Variants in MGAT5 observed in about 807,000 individuals in gnomAD.
MGAT5 encodes alpha-1,6-mannosylglycoprotein 6-beta-N-acetylglucosaminyltransferase, also known as alpha-1,6-mannosylglycoprotein 6-beta-N-acetylglucosaminyltransferase A.
MGAT5 carries 30 observed loss-of-function variants against 94.3 expected under a neutral mutation model. The observed-to-expected ratio is 0.32, with a 90% CI of 0.24 to 0.43. The LOEUF (loss-of-function observed/expected upper bound fraction) is 0.43. MGAT5 is among the 20% of genes least tolerant of loss of function. The pLI is 1.00. For missense variants in MGAT5, 691 were observed against 905.5 expected (o/e 0.76, Z 3.04); for synonymous variants, 310 against 322.9 (o/e 0.96, Z 0.43).
At chr2:134,381,386 A>ATAGATAGAT (rs1681567060) in intron 10 of MGAT5, among the ~76,000 whole-genome samples, 1 of 95,336 alleles carries the variant, frequency 1.0e-5, no homozygotes, top group Admixed American at 1.1e-4. Flanking sequence ...GATAGATTAG[A>ATAGATAGAT]TAGATAGATA....
intron 1 of MGAT5, among the ~76,000 whole-genome samples, chr2:134,129,333 TGATTA>T (rs1558946897): frequency 1.3e-5 from 2 of 152,152 alleles, no homozygotes; most frequent in African/African-American, 2.4e-5. Context: ...AGGATTGATG[TGATTA>T]GATTAGACCA....
At chr2:134,404,056 G>T (rs935409406) in intron 11 of MGAT5, among the ~76,000 whole-genome samples, 1 of 152,200 alleles carries the variant, frequency 6.6e-6, no homozygotes, top group Non-Finnish European at 1.5e-5. Flanking sequence ...GCATTTCAGT[G>T]TATTAGATAA....
rs558195104 is a variant in MGAT5 at position 134,137,748 on chromosome 2, T to G, written c.-143+17457T>G. Among the ~76,000 whole-genome samples, 65 of 152,326 alleles carry G rather than the reference T, an allele frequency of 4.3e-4. No homozygotes were observed. The South Asian group carries it at 6.6e-3, about 16-fold the overall frequency. On this transcript the variant is annotated intron_variant, in intron 1 of 16. Transcript: ENST00000409645. ...TGGACTAGAATAGTCTCTATTTTTTTTTTCTGCTTCATTTTTCTATGTTAT... is the reference window on the plus strand; with the variant it reads ...TGGACTAGAATAGTCTCTATTTTTTGTTTCTGCTTCATTTTTCTATGTTAT...
intron 1 of MGAT5, among the ~76,000 whole-genome samples, chr2:134,146,611 A>ATG (rs1166921719): frequency 6.6e-6 from 1 of 152,154 alleles, no homozygotes; most frequent in Non-Finnish European, 1.5e-5. Flanking sequence ...TAGTTATGGA[A>ATG]TGAGAACCTT....
In MGAT5 at chr2:134,453,189, A is replaced by G. The variant is rs1686191405; in HGVS notation, c.*4342A>G. ...AAAATAATACCTACATGAAAACATG[A>G]TTCCAAGTTGATTGAATGTTGTAGG... On this transcript the variant is annotated 3_prime_UTR_variant, in exon 16 of 16. Transcript: ENST00000281923. The G allele has an allele frequency of 1.3e-5, 2 of 152,232 alleles. No homozygotes were observed. Among genetic ancestry groups the G allele is most frequent in the African/African-American group, 2.4e-5 (1 of 41,458 alleles). 9.4% of individuals were successfully genotyped at this position (152,232 alleles called of 1,614,324 possible).
chr2:134,261,906 A>G (rs1312833301), intron 1 of MGAT5, among the ~76,000 whole-genome samples: 1 of 152,232 alleles, frequency 6.6e-6, no homozygotes, highest in Non-Finnish European at 1.5e-5. Context: ...TTAGTGAAGC[A>G]GGAAATGAGA....
chr2:134,140,797 G>C (rs1322662983), intron 1 of MGAT5, among the ~76,000 whole-genome samples: 1 of 152,184 alleles, frequency 6.6e-6, no homozygotes, highest in Non-Finnish European at 1.5e-5. Flanking sequence ...GGGCACTACT[G>C]TTCTGATTAG....
chr2:134,264,747 T>G (rs568522837), intron 1 of MGAT5, among the ~76,000 whole-genome samples: 2 of 152,320 alleles, frequency 1.3e-5, no homozygotes, highest in African/African-American at 2.4e-5. Context: ...TGAGGTTAAT[T>G]CTTTTTTCAA....
Position 134,325,104 on chromosome 2 carries a change from T to A in MGAT5, c.573+6365T>A, listed in dbSNP as rs186996641. ...CCCTTTAGCCCCTCACCCACTAAAG[T>A]TCTTAGCAACACTTCCTGTTTATGA... On this transcript the variant is annotated intron_variant, in intron 4 of 15. Coordinates refer to ENST00000281923, the MANE Select transcript of MGAT5 (RefSeq NM_002410.5). Among the ~76,000 whole-genome samples the A allele has an allele frequency of 1.2e-4, 18 of 152,178 alleles. No individual in the cohort carries two copies. In the East Asian group the frequency reaches 3.5e-3, roughly 29 times the overall value.
chr2:134,316,143 G>A (rs1422706793), intron 2 of MGAT5, among the ~76,000 whole-genome samples: 2 of 152,102 alleles, frequency 1.3e-5, no homozygotes, highest in East Asian at 1.9e-4. Context: ...ATAGGTTTAG[G>A]GTTGTCTTGT....
intron 15 of MGAT5, among the ~76,000 whole-genome samples, chr2:134,445,745 G>A (rs1260564469): frequency 2.0e-5 from 3 of 152,230 alleles, no homozygotes; most frequent in African/African-American, 7.2e-5. Context: ...GGGTCTCTGA[G>A]CAGGAGGATG....
rs373280276 is a variant in MGAT5 at position 134,185,304 on chromosome 2, T to A, written c.-143+65013T>A. On this transcript the variant is annotated intron_variant, in intron 1 of 16. Transcript: ENST00000409645. Reference sequence around the variant, plus strand: ...GAAGGATAAGAACTATGCCTTTCAATCCCCTATCTTTACCCCTCTTGTTTT... The same window carrying A: ...GAAGGATAAGAACTATGCCTTTCAAACCCCTATCTTTACCCCTCTTGTTTT... 3.3e-5 allele frequency among the ~76,000 whole-genome samples: 5 copies of A among 152,326 alleles called. No homozygotes were observed. In the South Asian group the frequency reaches 1.0e-3, roughly 32 times the overall value.
intron 1 of MGAT5, among the ~76,000 whole-genome samples, chr2:134,134,751 T>C (rs1028591116): frequency 6.6e-6 from 1 of 152,198 alleles, no homozygotes; most frequent in Non-Finnish European, 1.5e-5. Flanking sequence ...CATTTATTGG[T>C]TGGGGACCAG....
At chr2:134,178,441 C>T (rs1688583083) in intron 1 of MGAT5, among the ~76,000 whole-genome samples, 1 of 152,072 alleles carries the variant, frequency 6.6e-6, no homozygotes, top group African/African-American at 2.4e-5. Context: ...AGCTGTCTCC[C>T]TAGAGAAGGT....
At chr2:134,399,980 T>TA (rs1358369063) in intron 10 of MGAT5, among the ~76,000 whole-genome samples, 1 of 152,122 alleles carries the variant, frequency 6.6e-6, no homozygotes, top group African/African-American at 2.4e-5. Flanking sequence ...ACACAAAAGA[T>TA]AAGAGTGTCC....
intron 1 of MGAT5, among the ~76,000 whole-genome samples, chr2:134,181,329 C>G (rs904145527): frequency 7.2e-5 from 11 of 152,180 alleles, no homozygotes; most frequent in Admixed American, 2.0e-4. Flanking sequence ...GTTGAGAAAC[C>G]CTGCTCTACA....
In MGAT5 at chr2:134,120,218, G is replaced by T. The variant is rs1685499265; in HGVS notation, c.-216G>T. 1.2e-5 allele frequency: 4 copies of T among 342,766 alleles called. No individual in the cohort carries two copies. The South Asian group carries it at 4.1e-4, about 35-fold the overall frequency. The allele number at this position is 342,766 out of a possible 1,614,324, so 21.2% of individuals were successfully genotyped here. A position where few individuals can be genotyped will look rare whatever the true frequency, so the allele number is the denominator to read the frequency against. ...CCGCGCCGCAGGCTCGGGGCGTCGC[G>T]ACCTCGCGCCTCGGGCCGCGTGGGC... On this transcript the variant is annotated 5_prime_UTR_variant, in exon 1 of 17. Transcript: ENST00000409645.
chr2:134,225,945 G>T (rs755145536), intron 1 of MGAT5, among the ~76,000 whole-genome samples: 1 of 152,194 alleles, frequency 6.6e-6, no homozygotes, highest in African/African-American at 2.4e-5. Context: ...TCTTCTGGGA[G>T]CTGTCCTGAT....
intron 10 of MGAT5, among the ~76,000 whole-genome samples, chr2:134,399,163 TCC>T (rs911596728): frequency 2.6e-5 from 4 of 152,192 alleles, no homozygotes; most frequent in African/African-American, 9.7e-5. Flanking sequence ...TATTGAAATA[TCC>T]CATATATCCC....
Sources: gnomAD v4.1 joint callset for allele counts (sites outside exome capture counted in the v4.1 genomes callset) on GRCh38, gnomAD v4.1.1 for gene constraint, MANE v1.5 for transcripts, NCBI Gene and HGNC (gene_info 2026-07-23, HGNC 2026-07-21) for gene names.